Variants in NOSIP observed in about 807,000 individuals in gnomAD.
The protein encoded by NOSIP is nitric oxide synthase-interacting protein.
A neutral mutation model predicts 36.4 loss-of-function variants in NOSIP; 25 were observed. The ratio of observed to expected loss-of-function variants is 0.69; its 90% CI spans 0.50 to 0.96. The LOEUF (loss-of-function observed/expected upper bound fraction) is 0.96, where lower values mean the gene tolerates loss of function less well. Among genes scored for constraint, NOSIP ranks in the 40% least tolerant of loss-of-function variants. NOSIP has a pLI of 0.00. For missense variants in NOSIP, 370 were observed against 429.0 expected, an observed-to-expected ratio of 0.86 and a Z score of 1.21; for synonymous variants, 187 against 179.2, an observed-to-expected ratio of 1.04 and a Z score of -0.35.
intron 1 of NOSIP, among the ~76,000 whole-genome samples, chr19:49,580,302 C>G (rs2080609123): frequency 7.1e-6 from 1 of 140,022 alleles, no homozygotes; most frequent in African/African-American, 2.7e-5. Flanking sequence ...GAGAGAGAGA[C>G]AAAGAGAGAG....
chr19:49,558,251 T>TTC (rs1213383441), intron 4 of NOSIP: 1 of 128,154 alleles, frequency 7.8e-6, no homozygotes, highest in Non-Finnish European at 1.7e-5. Context: ...ACATCTTTTT[T>TTC]TTTTTTTTTT....
At chr19:49,563,901 A>G (rs1568405416) in intron 1 of NOSIP, among the ~76,000 whole-genome samples, 1 of 152,196 alleles carries the variant, frequency 6.6e-6, no homozygotes, top group Non-Finnish European at 1.5e-5. Flanking sequence ...AGGCTATAAG[A>G]GTCCAATACT....
intron 1 of NOSIP, among the ~76,000 whole-genome samples, chr19:49,563,747 G>A (rs1201196548): frequency 6.6e-6 from 1 of 151,878 alleles, no homozygotes; most frequent in African/African-American, 2.4e-5. Flanking sequence ...CACCCGCCTC[G>A]GCCTCCCAAA....
Position 49,556,653 on chromosome 19 carries a change from G to T in NOSIP, c.621C>A (p.Ser207Arg). The T allele has an allele frequency of 6.2e-7, 1 of 1,611,586 alleles. No homozygotes were observed. Among genetic ancestry groups the T allele is most frequent in the African/African-American group, 1.3e-5 (1 of 75,032 alleles). ...LTPVHFTPLDSSVDRVGLITR... is the reference protein window; with the variant it reads ...LTPVHFTPLDRSVDRVGLITR... The stretch of plus-strand genomic sequence containing the variant: ...TGATGAGCCCCACGCGGTCCACGGA[G>T]CTGTCTAGCGGTGTGAAGTGCACGG... The change falls in exon 7 of 9, where the codon AGC becomes AGA. Residue 207 changes from serine (S) to arginine (R), a missense_variant. Physicochemically the swap from Ser to Arg is moderately radical, Grantham distance 110. This residue lies in a region of NOSIP where 315 missense variants were observed against 331.9 expected (regional missense o/e 0.95). Coordinates refer to ENST00000596358, the MANE Select transcript of NOSIP (RefSeq NM_001270960.2).
In NOSIP at chr19:49,558,880, C is replaced by T; in HGVS notation, c.258+17G>A. ...AGCTCCTGCCTCCGTGTGCCGCCTC[C>T]TCCCCATCCCCATCACCTTCATCTG... On this transcript the variant is annotated intron_variant, in intron 4 of 8. Transcript: ENST00000596358. 2 of 1,608,822 alleles carry T rather than the reference C, an allele frequency of 1.2e-6. No individual in the cohort carries two copies. Among genetic ancestry groups the T allele is most frequent in the Non-Finnish European group, 1.7e-6 (2 of 1,175,202 alleles).
At position 49,556,696 on chromosome 19, in the gene NOSIP, C is replaced by A; in HGVS notation, c.578G>T (p.Arg193Leu). 1 of 1,610,236 alleles carries A rather than the reference C, an allele frequency of 6.2e-7. No homozygotes were observed. Reference protein sequence around the residue: ...VTCPMSGKPLRMSDLTPVHFT... With the variant: ...VTCPMSGKPLLMSDLTPVHFT... ...GTGCACGGGCGTCAGGTCCGACATG[C>A]GCAGGGGCTTCCCTGACATGGGGCA... Residue 193 changes from arginine (R) to leucine (L), a missense_variant, in exon 7 of 9, where the codon CGC becomes CTC. Transcript: ENST00000596358.
At position 49,578,199 on chromosome 19, in the gene NOSIP, C is replaced by T. The variant is rs529071128; in HGVS notation, c.-2+2316G>A. 8.5e-5 allele frequency among the ~76,000 whole-genome samples: 13 copies of T among 152,062 alleles called. No individual in the cohort carries two copies. In the East Asian group the frequency reaches 2.5e-3, roughly 29 times the overall value. ...AGTGAAGTGGCATGATCTCAGCTCACTGCAACCTCTGTCCCTAGGGTTCAA... is the reference window on the plus strand; with the variant it reads ...AGTGAAGTGGCATGATCTCAGCTCATTGCAACCTCTGTCCCTAGGGTTCAA... On this transcript the variant is annotated intron_variant, in intron 1 of 8. Coordinates refer to ENST00000596358, the MANE Select transcript of NOSIP (RefSeq NM_001270960.2).
chr19:49,573,055 G>C (rs1019277206), intron 1 of NOSIP, among the ~76,000 whole-genome samples: 2 of 150,792 alleles, frequency 1.3e-5, no homozygotes, highest in Non-Finnish European at 2.9e-5. Flanking sequence ...CACCTCAAAC[G>C]GTCGAATATC....
intron 1 of NOSIP, among the ~76,000 whole-genome samples, chr19:49,564,548 C>T (rs1426935277): frequency 2.0e-5 from 3 of 151,650 alleles, no homozygotes; most frequent in Admixed American, 6.6e-5. Flanking sequence ...GGGGTGCAGG[C>T]GAGGACATGG....
At chr19:49,568,181 G>A (rs962298711) in intron 1 of NOSIP, among the ~76,000 whole-genome samples, 1 of 152,144 alleles carries the variant, frequency 6.6e-6, no homozygotes, top group Non-Finnish European at 1.5e-5. Flanking sequence ...AGTTTCACAC[G>A]GGCTAGGTGG....
In NOSIP at chr19:49,560,009, C is replaced by T. The variant is rs1227176476; in HGVS notation, c.101G>A (p.Arg34Gln). 2 of 1,613,696 alleles carry T rather than the reference C, an allele frequency of 1.2e-6. No individual in the cohort carries two copies. The highest frequency in any genetic ancestry group is 2.2e-5 in the East Asian group (1 of 44,878). ...GTCCTTCACGGCATCCCGGCTCAGTCGAATGTTCTGGGTCCCATAGCCCGA... is the reference window on the plus strand; with the variant it reads ...GTCCTTCACGGCATCCCGGCTCAGTTGAATGTTCTGGGTCCCATAGCCCGA... ...AASGYGTQNIRLSRDAVKDFD... is the reference protein window; with the variant it reads ...AASGYGTQNIQLSRDAVKDFD... Residue 34 changes from arginine to glutamine, a missense_variant, in exon 3 of 9, where the codon CGA becomes CAA. By Grantham distance (43) the Arg-to-Gln change is conservative (BLOSUM62 1). Coordinates refer to ENST00000596358, the MANE Select transcript of NOSIP (RefSeq NM_001270960.2). The surrounding 1 kb of genome is among the most constrained non-coding windows in gnomAD (Gnocchi z 4.6).
At position 49,557,088 on chromosome 19, in the gene NOSIP, A is replaced by G. The variant is rs758003362; in HGVS notation, c.418+2T>C. 1.2e-6 allele frequency: 2 copies of G among 1,610,214 alleles called. No individual in the cohort carries two copies. The highest frequency in any genetic ancestry group is 2.7e-5 in the African/African-American group (2 of 74,996). On this transcript the variant is annotated splice_donor_variant, in intron 5 of 8. Coordinates refer to ENST00000596358, the MANE Select transcript of NOSIP (RefSeq NM_001270960.2). LOFTEE classifies it high-confidence loss of function. ...ACCCACAAGAAGCCCAACCTGAGTC[A>G]CCTGGGCTGGTGCCCGAGAGGGCCT...
chr19:49,558,798 A>G, intron 4 of NOSIP, 99 bp downstream of exon 4: 1 of 963,054 alleles, frequency 1.0e-6, no homozygotes, highest in Admixed American at 1.7e-5. Flanking sequence ...TGTACCAGGC[A>G]GAGGGAACTG....
chr19:49,563,750 C>T (rs2080366713), intron 1 of NOSIP, among the ~76,000 whole-genome samples: 1 of 152,116 alleles, frequency 6.6e-6, no homozygotes. Flanking sequence ...CCGCCTCGGC[C>T]TCCCAAAGTG....
intron 1 of NOSIP, among the ~76,000 whole-genome samples, chr19:49,571,878 G>A (rs1341173139): frequency 1.3e-5 from 2 of 150,828 alleles, no homozygotes; most frequent in African/African-American, 4.9e-5. Flanking sequence ...CCAGCTGCTC[G>A]GGAGGCTGAG....
In NOSIP at chr19:49,559,956, G is replaced by C; in HGVS notation, c.154C>G (p.Pro52Ala). 6.2e-7 allele frequency: 1 copy of C among 1,613,436 alleles called. No homozygotes were observed. Among genetic ancestry groups the C allele is most frequent in the Non-Finnish European group, 8.5e-7 (1 of 1,179,506 alleles). Reference sequence around the variant, plus strand: ...CACGTGACAACAGGATCGTGGCAAGGCTGCAGGGAGAGACAACAGCAGTCG... The same window carrying C: ...CACGTGACAACAGGATCGTGGCAAGCCTGCAGGGAGAGACAACAGCAGTCG... ...DFDCCCLSLQ[P>A]CHDPVVTPDG... The change falls in exon 3 of 9, where the codon CCT (proline) becomes GCT (alanine). Residue 52 changes from proline (P) to alanine (A), a missense_variant. Transcript: ENST00000596358.
intron 1 of NOSIP, among the ~76,000 whole-genome samples, chr19:49,573,510 G>A (rs2080512914): frequency 6.6e-6 from 1 of 152,148 alleles, no homozygotes; most frequent in Admixed American, 6.6e-5. Context: ...TGGCACCTGG[G>A]AGGTCTCAGA....
intron 8 of NOSIP, 136 bp downstream of exon 8, chr19:49,556,181 G>GGGCGGCCTTACA: frequency 2.3e-6 from 1 of 430,560 alleles, no homozygotes; most frequent in Non-Finnish European, 4.1e-6. Flanking sequence ...GGGGGGGGGG[G>GGGCGGCCTTACA]GCGGCCTTAC....
Position 49,555,692 on chromosome 19 carries a change from G to T in NOSIP, c.*59C>A. ...CCTGTCCCCGGGGCGCCCACGCCGCGAATGAAGGCGCCACGTCGTTGCGCA... is the reference window on the plus strand; with the variant it reads ...CCTGTCCCCGGGGCGCCCACGCCGCTAATGAAGGCGCCACGTCGTTGCGCA... On this transcript the variant is annotated 3_prime_UTR_variant, in exon 9 of 9. Coordinates refer to ENST00000596358, the MANE Select transcript of NOSIP (RefSeq NM_001270960.2). 1.4e-6 allele frequency: 2 copies of T among 1,479,932 alleles called. No individual in the cohort carries two copies. Among genetic ancestry groups the T allele is most frequent in the Non-Finnish European group, 1.9e-6 (2 of 1,061,172 alleles). The allele number at this position is 1,479,932 out of a possible 1,614,324, so 91.7% of individuals were successfully genotyped here.
Sources: gnomAD v4.1 joint callset for allele counts (sites outside exome capture counted in the v4.1 genomes callset) on GRCh38, gnomAD v4.1.1 for gene constraint, gnomAD v4.1.1 regional missense constraint, Gnocchi (gnomAD v3.1) non-coding constraint, MANE v1.5 for transcripts, NCBI Gene and HGNC (gene_info 2026-07-23, HGNC 2026-07-21) for gene names.